CD59: variants seen among roughly 807,000 people sequenced by gnomAD.
CD59 encodes the protein CD59 molecule (CD59 blood group), also known as CD59 glycoprotein.
CD59 carries 3 observed loss-of-function variants against 7.0 expected under a neutral mutation model. That is an observed-to-expected ratio of 0.43 (90% confidence interval 0.19 to 1.10). The LOEUF (loss-of-function observed/expected upper bound fraction) is 1.10. Ranked by LOEUF, CD59 falls within the 50% of genes least tolerant of loss-of-function variation. The probability of loss-of-function intolerance (pLI) is 0.29; values close to 1 mark genes in which losing one functional copy is unlikely to be tolerated. For synonymous variants in CD59, 60 were observed against 62.0 expected, an observed-to-expected ratio of 0.97 and a Z score of 0.15; for missense variants, 143 against 151.0, an observed-to-expected ratio of 0.95 and a Z score of 0.28.
At chr11:33,715,693 T>G (rs1478225036) in intron 3 of CD59, among the ~76,000 whole-genome samples, 1 of 152,204 alleles carries the variant, frequency 6.6e-6, no homozygotes, top group Non-Finnish European at 1.5e-5. Flanking sequence ...TTTGGCCATT[T>G]TAATAGGTGT....
intron 3 of CD59, among the ~76,000 whole-genome samples, chr11:33,710,880 C>T (rs1853519771): frequency 6.6e-6 from 1 of 151,278 alleles, no homozygotes; most frequent in Admixed American, 6.6e-5. Context: ...AAGATATATG[C>T]TCAAGAATGG....
chr11:33,723,930 C>G lies in CD59; in HGVS notation c.-18-1467G>C, dbSNP rs1469498571. Among the ~76,000 whole-genome samples the G allele has an allele frequency of 5.3e-5, 8 of 152,138 alleles. No individual in the cohort carries two copies. In the East Asian group the frequency reaches 1.5e-3, roughly 29 times the overall value. ...CCTGGGTATTATAGTGAGACCCTGT[C>G]TCTACAAAAATAAAAACATTAAAAA... is the stretch of plus-strand genomic sequence containing the variant. On this transcript the variant is annotated intron_variant, in intron 1 of 3. Transcript: ENST00000642928.
At position 33,709,995 on chromosome 11, in the gene CD59, G is replaced by T; in HGVS notation, c.*131C>A. On this transcript the variant is annotated 3_prime_UTR_variant, in exon 4 of 4. Coordinates refer to ENST00000642928, the MANE Select transcript of CD59 (RefSeq NM_000611.6). ...CCCAGAGCCCCTCTATCTTAGCCAG[G>T]TTGCTCAAGCTAATTTTATTCTTTC... The T allele has an allele frequency of 1.3e-6, 1 of 779,458 alleles. No individual in the cohort carries two copies. The highest frequency in any genetic ancestry group is 1.5e-5 in the South Asian group (1 of 68,044). The allele number at this position is 779,458 out of a possible 1,614,324, so 48.3% of individuals were successfully genotyped here.
chr11:33,724,890 C>G (rs831625), intron 1 of CD59, among the ~76,000 whole-genome samples: 104,615 of 151,274 alleles, frequency 0.69, 37,617 homozygotes, highest in African/African-American at 0.91. Flanking sequence ...CGGGCTGTTC[C>G]ATCAAAATAA....
chr11:33,727,842 G>A (rs1385987287), intron 1 of CD59, among the ~76,000 whole-genome samples: 1 of 152,162 alleles, frequency 6.6e-6, no homozygotes, highest in East Asian at 1.9e-4. Context: ...CAAAATCAAT[G>A]TGCAAAAATC....
chr11:33,720,091 C>T lies in CD59; in HGVS notation c.67+2288G>A, dbSNP rs868641828. On this transcript the variant is annotated intron_variant, in intron 2 of 3. Transcript: ENST00000642928. The stretch of plus-strand genomic sequence containing the variant: ...GAAAGGCTAAAACCCATGGTTGGAA[C>T]GTCTGTGGGCAAAAATATTCATGGC... 5.3e-5 allele frequency among the ~76,000 whole-genome samples: 8 copies of T among 152,248 alleles called. No individual in the cohort carries two copies. The South Asian group carries it at 8.3e-4, about 16-fold the overall frequency.
chr11:33,727,267 T>C (rs1307649925), intron 1 of CD59, among the ~76,000 whole-genome samples: 1 of 151,858 alleles, frequency 6.6e-6, no homozygotes. Context: ...TATGTGAAAA[T>C]CCTCAATAAA....
intron 3 of CD59, among the ~76,000 whole-genome samples, chr11:33,716,276 A>T (rs1853786559): frequency 6.6e-6 from 1 of 152,178 alleles, no homozygotes; most frequent in Non-Finnish European, 1.5e-5. Flanking sequence ...GTCTTTAGTT[A>T]TTGAGGGATT....
intron 2 of CD59, among the ~76,000 whole-genome samples, chr11:33,720,100 G>A (rs1296975278): frequency 6.6e-6 from 1 of 152,150 alleles, no homozygotes; most frequent in Admixed American, 6.5e-5. Context: ...ACGTCTGTGG[G>A]CAAAAATATT....
chr11:33,734,568 T>C (rs1854510267), intron 1 of CD59, among the ~76,000 whole-genome samples: 1 of 152,202 alleles, frequency 6.6e-6, no homozygotes, highest in South Asian at 2.1e-4. Flanking sequence ...CAGAACTCTT[T>C]GGACCAAACA....
At chr11:33,735,571 G>C (rs1465902759) in intron 1 of CD59, among the ~76,000 whole-genome samples, 1 of 152,134 alleles carries the variant, frequency 6.6e-6, no homozygotes. Flanking sequence ...CAGACTCTAA[G>C]AAGGGTGCGG....
At chr11:33,726,194 C>T (rs550285009) in intron 1 of CD59, among the ~76,000 whole-genome samples, 1 of 152,304 alleles carries the variant, frequency 6.6e-6, no homozygotes, top group East Asian at 1.9e-4. Context: ...CAGACATCTA[C>T]AGAACTCTCC....
intron 1 of CD59, among the ~76,000 whole-genome samples, chr11:33,723,916 T>G (rs950568015): frequency 1.3e-5 from 2 of 152,094 alleles, no homozygotes; most frequent in Non-Finnish European, 2.9e-5. Flanking sequence ...CTGGGTATTA[T>G]AGTGAGACCC....
intron 3 of CD59, among the ~76,000 whole-genome samples, chr11:33,715,019 C>T (rs908866386): frequency 6.6e-6 from 1 of 151,164 alleles, no homozygotes; most frequent in African/African-American, 2.4e-5. Context: ...CCTTGGCTCA[C>T]TGCAACCTCT....
intron 3 of CD59, chr11:33,711,553 T>C (rs1350952849): frequency 6.6e-6 from 4 of 607,086 alleles, no homozygotes; most frequent in Non-Finnish European, 1.2e-5. Context: ...GTGTTGCGCC[T>C]TTAGTCTTAG....
intron 2 of CD59, chr11:33,718,761 C>T (rs1232915223): frequency 6.6e-6 from 1 of 152,200 alleles, no homozygotes; most frequent in African/African-American, 2.4e-5. Flanking sequence ...TCTTAAGACT[C>T]ATCCTTGCTA....
chr11:33,713,733 A>C (rs948281944), intron 3 of CD59, among the ~76,000 whole-genome samples: 2 of 152,234 alleles, frequency 1.3e-5, no homozygotes, highest in Non-Finnish European at 2.9e-5. Context: ...AATTGCTACC[A>C]ATTAATCATT....
rs1234284998 is a variant in CD59 at position 33,705,468 on chromosome 11, T to C, written c.*4658A>G. Reference sequence around the variant, plus strand: ...GACACTGTCTACCTTGTTTGCTGAGTCTTCTGGCTTTCTTCCACTCTTCCT... The same window carrying C: ...GACACTGTCTACCTTGTTTGCTGAGCCTTCTGGCTTTCTTCCACTCTTCCT... On this transcript the variant is annotated 3_prime_UTR_variant, in exon 4 of 4. Transcript: ENST00000642928. The C allele has an allele frequency of 6.6e-6, 1 of 152,198 alleles. No individual in the cohort carries two copies. The highest frequency in any genetic ancestry group is 6.5e-5 in the Admixed American group (1 of 15,274). 9.4% of individuals were successfully genotyped at this position (152,198 alleles called of 1,614,324 possible). A position where few individuals can be genotyped will look rare whatever the true frequency, so the allele number is the denominator to read the frequency against.
Position 33,709,544 on chromosome 11 carries a change from CCTCT to C in CD59, c.*578_*581del, listed in dbSNP as rs1853449668. The C allele has an allele frequency of 6.2e-6, 1 of 162,078 alleles. No individual in the cohort carries two copies. Among genetic ancestry groups the C allele is most frequent in the Non-Finnish European group, 1.4e-5 (1 of 73,122 alleles). The allele number at this position is 162,078 out of a possible 1,614,324, so 10.0% of individuals were successfully genotyped here. On this transcript the variant is annotated 3_prime_UTR_variant, in exon 4 of 4. Transcript: ENST00000642928. ...AAAACTCGATTTTCAGCCACTTGTACCTCTCTAAGTTTTCATGCCCTGCTATCTG... is the reference window on the plus strand; with the variant it reads ...AAAACTCGATTTTCAGCCACTTGTACCTAAGTTTTCATGCCCTGCTATCTG...
Sources: allele counts gnomAD v4.1 joint callset (sites outside exome capture counted in the v4.1 genomes callset), GRCh38; gene constraint gnomAD v4.1.1; transcripts MANE v1.5; gene names NCBI Gene and HGNC (gene_info 2026-07-23, HGNC 2026-07-21).